Variants in PRKCH observed in about 807,000 individuals in gnomAD.
PRKCH encodes protein kinase C eta.
PRKCH carries 28 observed loss-of-function variants against 82.5 expected under a neutral mutation model. That is an observed-to-expected ratio of 0.34 (90% confidence interval 0.25 to 0.47). The LOEUF is 0.47. Ranked by LOEUF, PRKCH falls within the 20% of genes least tolerant of loss-of-function variation. The pLI, the probability that PRKCH is intolerant of heterozygous loss-of-function variation, is 1.00. For synonymous variants in PRKCH, 322 were observed against 327.4 expected, an observed-to-expected ratio of 0.98 and a Z score of 0.18; for missense variants, 705 against 881.8, an observed-to-expected ratio of 0.80 and a Z score of 2.54.
At chr14:61,213,291 G>A (rs2140047609) in intron 1 of PRKCH, among the ~76,000 whole-genome samples, 1 of 152,214 alleles carries the variant, frequency 6.6e-6, no homozygotes, top group South Asian at 2.1e-4. Flanking sequence ...CTTGGTTTTT[G>A]TCCTTTTGGT....
chr14:61,391,295 A>G lies in PRKCH; in HGVS notation c.427+7A>G, dbSNP rs2046677778. ...ACCGGGAGTTTCACTGAAGGTAAGA[A>G]TGAGTTTTGGGTAGTTTCCAGAATA... On this transcript the variant is annotated splice_region_variant and intron_variant, in intron 2 of 13. Transcript: ENST00000332981. 1.2e-6 allele frequency: 2 copies of G among 1,604,988 alleles called. No homozygotes were observed. The highest frequency in any genetic ancestry group is 3.4e-5 in the Admixed American group (2 of 59,122).
At chr14:61,402,799 A>AAAAAAAAG (rs1281410656) in intron 2 of PRKCH, among the ~76,000 whole-genome samples, 1 of 149,504 alleles carries the variant, frequency 6.7e-6, no homozygotes, top group Non-Finnish European at 1.5e-5. Flanking sequence ...CTCTGTCTCA[A>AAAAAAAAG]AAAAAAAGAA....
intron 1 of PRKCH, among the ~76,000 whole-genome samples, chr14:61,309,822 G>A (rs1466946608): frequency 1.3e-5 from 2 of 152,066 alleles, no homozygotes; most frequent in Non-Finnish European, 2.9e-5. Context: ...CCCGAGACTG[G>A]GAAATTTATG....
rs113889807 is a variant in PRKCH at position 61,321,831 on chromosome 14, C to G, written c.-271C>G. ...TCCTGCGCGAGTCCCCGGGAGGCGC[C>G]GCGCGCTTGGAAGGGACGGTCGGGC... On this transcript the variant is annotated 5_prime_UTR_variant, in exon 1 of 14. Coordinates refer to ENST00000332981, the MANE Select transcript of PRKCH (RefSeq NM_006255.5). The surrounding 1 kb of genome is among the most constrained non-coding windows in gnomAD (Gnocchi z 4.1). 2.8e-5 allele frequency: 10 copies of G among 357,520 alleles called. No individual in the cohort carries two copies. Among genetic ancestry groups the G allele is most frequent in the African/African-American group, 1.3e-4 (6 of 47,114 alleles). The allele number at this position is 357,520 out of a possible 1,614,324, so 22.1% of individuals were successfully genotyped here.
intron 10 of PRKCH, among the ~76,000 whole-genome samples, chr14:61,518,076 G>T (rs1369446104): frequency 6.6e-6 from 1 of 152,238 alleles, no homozygotes; most frequent in South Asian, 2.1e-4. Context: ...TGGCTTGTTG[G>T]CTGTTTTATG....
chr14:61,192,913 A>T (rs2044415876), intron 1 of PRKCH, among the ~76,000 whole-genome samples: 1 of 152,204 alleles, frequency 6.6e-6, no homozygotes. Context: ...CTAAACTGGG[A>T]TGTGAAGAGT....
chr14:61,539,166 G>A (rs895784502), intron 12 of PRKCH, among the ~76,000 whole-genome samples: 6 of 152,158 alleles, frequency 3.9e-5, no homozygotes, highest in Non-Finnish European at 5.9e-5. Context: ...TTCCATCTCC[G>A]AGACTTGCCT....
chr14:61,216,150 A>G (rs761061309), intron 1 of PRKCH, among the ~76,000 whole-genome samples: 6 of 152,142 alleles, frequency 3.9e-5, no homozygotes, highest in Non-Finnish European at 8.8e-5. Context: ...CAGGTTGGTG[A>G]AAAGCCTGGG....
chr14:61,471,419 T>C (rs1885498037), intron 9 of PRKCH, among the ~76,000 whole-genome samples: 1 of 152,192 alleles, frequency 6.6e-6, no homozygotes, highest in Non-Finnish European at 1.5e-5. Flanking sequence ...TTGTGCCTCT[T>C]ATTTGGGCTT....
At chr14:61,234,143 T>G (rs970653558) in intron 1 of PRKCH, among the ~76,000 whole-genome samples, 16 of 152,206 alleles carry the variant, frequency 1.1e-4, no homozygotes, top group Non-Finnish European at 4.4e-5. Context: ...TATAGCTGCA[T>G]TCACTGTTAA....
At chr14:61,281,844 A>G (rs905418755) in intron 1 of PRKCH, 1 of 139,216 alleles carries the variant, frequency 7.2e-6, no homozygotes, top group Non-Finnish European at 1.5e-5. Context: ...TCTGTTTCGA[A>G]TTCAACGCCT....
At chr14:61,548,767 G>A (rs576670799) in intron 13 of PRKCH, among the ~76,000 whole-genome samples, 1 of 150,636 alleles carries the variant, frequency 6.6e-6, no homozygotes, top group South Asian at 2.1e-4. Flanking sequence ...GGAGGCTGAA[G>A]TAGAAGGATT....
At position 61,218,376 on chromosome 14, in the gene PRKCH, C is replaced by A. The variant is rs571928474; in HGVS notation, c.-19+30708C>A. Among the ~76,000 whole-genome samples, 13 of 152,202 alleles carry A rather than the reference C, an allele frequency of 8.5e-5. 1 individual carries two copies. The highest frequency in any genetic ancestry group is 6.3e-3 in the Middle Eastern group (2 of 316). On this transcript the variant is annotated intron_variant, in intron 1 of 3. Coordinates refer to the PRKCH transcript ENST00000555185. ...AAGCAAACAAGAAACGGAAGCATGA[C>A]TGAGCTACCCCCTTTCTCACCTTAT...
chr14:61,208,074 A>ATT (rs11376581), intron 1 of PRKCH, among the ~76,000 whole-genome samples: 47 of 151,106 alleles, frequency 3.1e-4, no homozygotes, highest in Non-Finnish European at 3.1e-4. Context: ...GTGACAACTG[A>ATT]TTTTTTTTTT....
intron 1 of PRKCH, among the ~76,000 whole-genome samples, chr14:61,209,865 G>A (rs773532637): frequency 1.9e-4 from 29 of 151,528 alleles, no homozygotes; most frequent in Non-Finnish European, 2.7e-4. Context: ...ATGTCCATGT[G>A]CACCCATTGT....
intron 3 of PRKCH, among the ~76,000 whole-genome samples, chr14:61,444,100 T>C (rs1365381169): frequency 6.6e-6 from 1 of 152,264 alleles, no homozygotes; most frequent in African/African-American, 2.4e-5. Context: ...TATTTTGTTT[T>C]CTGTGATTAT....
upstream of PRKCH, among the ~76,000 whole-genome samples, chr14:61,319,673 T>C (rs1025629004): frequency 6.6e-6 from 1 of 152,220 alleles, no homozygotes; most frequent in African/African-American, 2.4e-5. Flanking sequence ...CTCTTAAAGC[T>C]AGAGTTCAGC....
chr14:61,323,564 T>C (rs1277863452), intron 1 of PRKCH, among the ~76,000 whole-genome samples: 1 of 152,252 alleles, frequency 6.6e-6, no homozygotes, highest in African/African-American at 2.4e-5. Flanking sequence ...TGGATGGTGA[T>C]GAAGGCTCAT....
intron 1 of PRKCH, among the ~76,000 whole-genome samples, chr14:61,268,508 A>G (rs2045124000): frequency 1.3e-5 from 2 of 152,040 alleles, no homozygotes; most frequent in African/African-American, 4.8e-5. Flanking sequence ...TCTACTAAAA[A>G]CACAAAAGAA....
Sources: gnomAD v4.1 joint callset for allele counts (sites outside exome capture counted in the v4.1 genomes callset) on GRCh38, gnomAD v4.1.1 for gene constraint, Gnocchi (gnomAD v3.1) non-coding constraint, MANE v1.5 for transcripts, NCBI Gene and HGNC (gene_info 2026-07-23, HGNC 2026-07-21) for gene names.